FHIT: variants seen among roughly 807,000 people sequenced by gnomAD.
FHIT encodes the protein fragile histidine triad diadenosine triphosphatase.
A neutral mutation model predicts 17.9 loss-of-function variants in FHIT; 19 were observed. The observed-to-expected ratio is 1.06, with a 90% confidence interval of 0.74 to 1.56. FHIT has a LOEUF of 1.56. Ranked by LOEUF, FHIT falls within the 40% of genes most tolerant of loss-of-function variation. FHIT has a pLI of 0.00. For synonymous variants in FHIT, 81 were observed against 69.7 expected (o/e 1.16, Z -0.81); for missense variants, 248 against 189.2 (o/e 1.31, Z -1.82).
intron 4 of FHIT, among the ~76,000 whole-genome samples, chr3:60,634,431 A>G (rs1270758126): frequency 6.6e-6 from 1 of 152,244 alleles, no homozygotes; most frequent in Non-Finnish European, 1.5e-5. Flanking sequence ...ATTCTTTAAT[A>G]ACTTCTGTAA....
intron 5 of FHIT, among the ~76,000 whole-genome samples, chr3:60,359,274 T>C (rs1465529015): frequency 6.8e-6 from 1 of 146,028 alleles, no homozygotes; most frequent in Non-Finnish European, 1.5e-5. Flanking sequence ...AATATGAAAA[T>C]ATCTTTTTTT....
At chr3:60,716,026 G>A (rs868974985) in intron 4 of FHIT, among the ~76,000 whole-genome samples, 14 of 152,090 alleles carry the variant, frequency 9.2e-5, no homozygotes, top group South Asian at 2.1e-4. Context: ...CAAGGCAGGC[G>A]GATCACCTGA....
intron 7 of FHIT, among the ~76,000 whole-genome samples, chr3:60,008,597 C>A (rs149134529): frequency 6.6e-6 from 1 of 152,154 alleles, no homozygotes; most frequent in Non-Finnish European, 1.5e-5. Context: ...TATTACCACT[C>A]AGCATGAGAC....
At chr3:60,680,141 C>T (rs1553696459) in intron 4 of FHIT, among the ~76,000 whole-genome samples, 1 of 152,198 alleles carries the variant, frequency 6.6e-6, no homozygotes, top group Non-Finnish European at 1.5e-5. Flanking sequence ...CTATATTCCA[C>T]AGTGGCTGTA....
rs183580782 is a variant in FHIT at position 60,860,897 on chromosome 3, G to A, written c.-110-38886C>T. Reference sequence around the variant, plus strand: ...ATCATGTATATATGAACATATATACGTATATATCATGTATATATGATACAT... The same window carrying A: ...ATCATGTATATATGAACATATATACATATATATCATGTATATATGATACAT... On this transcript the variant is annotated intron_variant, in intron 3 of 9. Transcript: ENST00000492590. Among the ~76,000 whole-genome samples, 83 of 84,944 alleles carry A rather than the reference G, an allele frequency of 9.8e-4. 9 individuals carry two copies. Among genetic ancestry groups the A allele is most frequent in the African/African-American group, 2.6e-3 (53 of 20,168 alleles). The allele number at this position is 84,944 out of a possible 152,430, so 55.7% of individuals were successfully genotyped here.
chr3:59,889,905 A>G (rs1703782165), intron 8 of FHIT, among the ~76,000 whole-genome samples: 1 of 152,212 alleles, frequency 6.6e-6, no homozygotes, highest in Admixed American at 6.5e-5. Flanking sequence ...TGCGAATGAT[A>G]TTGTAATGAA....
intron 2 of FHIT, among the ~76,000 whole-genome samples, chr3:61,108,363 A>G (rs13095410): frequency 0.34 from 51,696 of 152,120 alleles, 11,137 homozygotes; most frequent in Non-Finnish European, 0.48. Flanking sequence ...CATTCACTCA[A>G]CACTTACTTC....
At chr3:60,533,948 T>A (rs1485212991) in intron 5 of FHIT, among the ~76,000 whole-genome samples, 1 of 152,024 alleles carries the variant, frequency 6.6e-6, no homozygotes, top group Non-Finnish European at 1.5e-5. Flanking sequence ...TAAATCTAGA[T>A]GAACCACACC....
At chr3:60,686,022 C>G (rs1474150115) in intron 4 of FHIT, among the ~76,000 whole-genome samples, 1 of 152,004 alleles carries the variant, frequency 6.6e-6, no homozygotes, top group Non-Finnish European at 1.5e-5. Context: ...AATAAATATT[C>G]TGTTTTTGTT....
At chr3:60,031,438 A>G (rs1212643798) in intron 5 of FHIT, among the ~76,000 whole-genome samples, 24 of 152,266 alleles carry the variant, frequency 1.6e-4, no homozygotes, top group Admixed American at 1.6e-3. Flanking sequence ...AGTAAATGGT[A>G]GAACAGAATC....
At chr3:60,569,338 G>A (rs2037254040) in intron 4 of FHIT, among the ~76,000 whole-genome samples, 1 of 152,100 alleles carries the variant, frequency 6.6e-6, no homozygotes, top group Non-Finnish European at 1.5e-5. Context: ...TTTCAGTACT[G>A]TGATAAAGTG....
At chr3:61,199,185 A>G (rs1208804121) in intron 2 of FHIT, among the ~76,000 whole-genome samples, 2 of 152,208 alleles carry the variant, frequency 1.3e-5, no homozygotes, top group Non-Finnish European at 2.9e-5. Flanking sequence ...CAATTCAACA[A>G]AAGATTTTCA....
intron 1 of FHIT, among the ~76,000 whole-genome samples, chr3:61,218,810 A>T (rs1483938759): frequency 6.6e-6 from 1 of 152,146 alleles, no homozygotes; most frequent in Non-Finnish European, 1.5e-5. Flanking sequence ...TTAGAATCTA[A>T]GCTCTATAAA....
chr3:60,975,621 G>C (rs539925919), intron 3 of FHIT, among the ~76,000 whole-genome samples: 13 of 152,158 alleles, frequency 8.5e-5, no homozygotes, highest in Non-Finnish European at 1.5e-4. Flanking sequence ...CTGATACCAT[G>C]TTTTGACCAT....
chr3:59,787,354 A>G (rs963991780), intron 8 of FHIT, among the ~76,000 whole-genome samples: 1 of 152,004 alleles, frequency 6.6e-6, no homozygotes, highest in African/African-American at 2.4e-5. Context: ...GCCTTTAAGC[A>G]TTATTTGTTG....
chr3:60,883,481 A>T (rs1193532897), intron 3 of FHIT, among the ~76,000 whole-genome samples: 1 of 152,134 alleles, frequency 6.6e-6, no homozygotes, highest in Non-Finnish European at 1.5e-5. Context: ...GAAAGTGATA[A>T]TAACTAAATC....
At chr3:60,032,243 C>A (rs2630145) in intron 5 of FHIT, among the ~76,000 whole-genome samples, 1 of 151,650 alleles carries the variant, frequency 6.6e-6, no homozygotes, top group Non-Finnish European at 1.5e-5. Flanking sequence ...GAGGGTTGCT[C>A]GAGGCTAGGA....
At chr3:60,243,021 G>A (rs750399060) in intron 5 of FHIT, among the ~76,000 whole-genome samples, 10 of 150,236 alleles carry the variant, frequency 6.7e-5, no homozygotes, top group South Asian at 2.1e-4. Context: ...TTGAATCAGC[G>A]TTCTCATTTT....
intron 5 of FHIT, among the ~76,000 whole-genome samples, chr3:60,051,326 CTTTT>C (rs773498624): frequency 1.5e-5 from 2 of 131,898 alleles, no homozygotes; most frequent in Admixed American, 7.8e-5. Flanking sequence ...ATTTAGGATG[CTTTT>C]TTTTTTTTTT....
Sources: gnomAD v4.1 joint callset for allele counts (sites outside exome capture counted in the v4.1 genomes callset) on GRCh38, gnomAD v4.1.1 for gene constraint, MANE v1.5 for transcripts, NCBI Gene and HGNC (gene_info 2026-07-23, HGNC 2026-07-21) for gene names.